NMT2: variants seen among roughly 807,000 people sequenced by gnomAD.
NMT2 encodes the protein glycylpeptide N-tetradecanoyltransferase 2.
In NMT2, 35 loss-of-function variants were observed where a neutral mutation model predicts 65.4. The observed-to-expected ratio is 0.54, with a 90% CI of 0.41 to 0.71. The LOEUF (loss-of-function observed/expected upper bound fraction) is 0.71, where lower values mean the gene tolerates loss of function less well. NMT2 is among the 30% of genes least tolerant of loss of function. The pLI, the probability that NMT2 is intolerant of heterozygous loss-of-function variation, is 0.00. For synonymous variants in NMT2, 226 were observed against 231.8 expected, an observed-to-expected ratio of 0.98 and a Z score of 0.23; for missense variants, 489 against 611.3, an observed-to-expected ratio of 0.80 and a Z score of 2.11.
intron 8 of NMT2, among the ~76,000 whole-genome samples, chr10:15,127,404 G>A (rs1447412244): frequency 8.7e-5 from 13 of 149,914 alleles, no homozygotes; most frequent in Non-Finnish European, 1.8e-4. Context: ...AAAATTAGCC[G>A]GGCATGCTGG....
At chr10:15,145,627 G>A (rs561099533) in intron 1 of NMT2, among the ~76,000 whole-genome samples, 3 of 152,154 alleles carry the variant, frequency 2.0e-5, no homozygotes, top group Non-Finnish European at 4.4e-5. Context: ...TGATCCACCC[G>A]CCTCAGCCTC....
chr10:15,156,598 CA>C (rs1344236066), intron 1 of NMT2, among the ~76,000 whole-genome samples: 2 of 152,134 alleles, frequency 1.3e-5, no homozygotes, highest in Non-Finnish European at 2.9e-5. Context: ...GAATGTTCTA[CA>C]TTAAAAATGT....
chr10:15,156,500 C>T (rs1422964826), intron 1 of NMT2, among the ~76,000 whole-genome samples: 1 of 152,082 alleles, frequency 6.6e-6, no homozygotes, highest in Non-Finnish European at 1.5e-5. Flanking sequence ...CGGAGGCTAC[C>T]ATATTTGCAT....
intron 9 of NMT2, among the ~76,000 whole-genome samples, chr10:15,117,134 A>C (rs1057059935): frequency 2.1e-4 from 32 of 152,218 alleles, no homozygotes; most frequent in African/African-American, 6.5e-4. Context: ...TCTCTCATGA[A>C]CTCAACAAAT....
rs80325302 is a variant in NMT2 at position 15,157,739 on chromosome 10, T to C, written c.110+10764A>G. Among the ~76,000 whole-genome samples the C allele has an allele frequency of 6.2e-3, 943 of 152,350 alleles. 9 individuals are homozygous for C. Among genetic ancestry groups the C allele is most frequent in the African/African-American group, 0.022 (906 of 41,584 alleles). ...AATATTCTTTAAGCAAAGAAATGTA[T>C]GATTTTAAAAAAATTAATTCATTGA... On this transcript the variant is annotated intron_variant, in intron 1 of 11. Coordinates refer to ENST00000378165, the MANE Select transcript of NMT2 (RefSeq NM_004808.3).
intron 1 of NMT2, among the ~76,000 whole-genome samples, chr10:15,165,255 T>C (rs1242525709): frequency 6.6e-6 from 1 of 152,206 alleles, no homozygotes; most frequent in Non-Finnish European, 1.5e-5. Context: ...GGACTATTTC[T>C]AATAATTCAT....
At chr10:15,138,004 CTTTTTTT>C (rs374744946) in intron 2 of NMT2, among the ~76,000 whole-genome samples, 1 of 128,140 alleles carries the variant, frequency 7.8e-6, no homozygotes, top group Non-Finnish European at 1.6e-5. Context: ...TCTTCTTCTT[CTTTTTTT>C]TTTTTTTTTT....
chr10:15,136,113 C>T (rs374553235), intron 2 of NMT2, among the ~76,000 whole-genome samples: 4 of 151,562 alleles, frequency 2.6e-5, no homozygotes, highest in East Asian at 2.0e-4. Flanking sequence ...CCCAGCTACT[C>T]GGGAGGCTGA....
chr10:15,130,337 TAAGAGTC>T, intron 6 of NMT2, 25 bp from the exon 7 acceptor site: 1 of 1,495,566 alleles, frequency 6.7e-7, no homozygotes, highest in Non-Finnish European at 9.0e-7. Context: ...TGGTGAAGAT[TAAGAGTC>T]AAAACGAGAT....
Position 15,107,479 on chromosome 10 carries a change from G to A in NMT2, c.*1716C>T. The A allele has an allele frequency of 1.0e-6, 1 of 979,608 alleles. No homozygotes were observed. Among genetic ancestry groups the A allele is most frequent in the Non-Finnish European group, 1.2e-6 (1 of 824,572 alleles). The allele number at this position is 979,608 out of a possible 1,614,324, so 60.7% of individuals were successfully genotyped here. A position where few individuals can be genotyped will look rare whatever the true frequency, so the allele number is the denominator to read the frequency against. Reference sequence around the variant, plus strand: ...ATCTACTTTTGTTTTTTGAGACGGAGTCTTGCACTGTCACCCAGGCTGGAG... The same window carrying A: ...ATCTACTTTTGTTTTTTGAGACGGAATCTTGCACTGTCACCCAGGCTGGAG... On this transcript the variant is annotated 3_prime_UTR_variant, in exon 12 of 12. Coordinates refer to ENST00000378165, the MANE Select transcript of NMT2 (RefSeq NM_004808.3).
Position 15,161,081 on chromosome 10 carries a change from C to CAAAAAAAAAAAAAAAAAA in NMT2, c.110+7404_110+7421dup, listed in dbSNP as rs750859200. ...CAGAGCGAGACTCTGCCTCAAAAATCAAAAAAAAAAAAAAAAAAAAAAAAA... is the reference window on the plus strand; with the variant it reads ...CAGAGCGAGACTCTGCCTCAAAAATCAAAAAAAAAAAAAAAAAAAAAAAAAAAAAAAAAAAAAAAAAAA... On this transcript the variant is annotated intron_variant, in intron 1 of 11. Coordinates refer to ENST00000378165, the MANE Select transcript of NMT2 (RefSeq NM_004808.3). 1.6e-3 allele frequency among the ~76,000 whole-genome samples: 30 copies of CAAAAAAAAAAAAAAAAAA among 19,282 alleles called. 1 individual carries two copies. The highest frequency in any genetic ancestry group is 1.8e-3 in the Non-Finnish European group (20 of 11,154). 12.6% of individuals were successfully genotyped at this position (19,282 alleles called of 152,430 possible). A position where few individuals can be genotyped will look rare whatever the true frequency, so the allele number is the denominator to read the frequency against.
chr10:15,138,847 G>C (rs556225816), intron 2 of NMT2, among the ~76,000 whole-genome samples: 1 of 152,152 alleles, frequency 6.6e-6, no homozygotes, highest in Admixed American at 6.5e-5. Context: ...TCCAAATTAA[G>C]AAAAGAAATT....
In NMT2 at chr10:15,107,548, G is replaced by T; in HGVS notation, c.*1647C>A. On this transcript the variant is annotated 3_prime_UTR_variant, in exon 12 of 12. Coordinates refer to ENST00000378165, the MANE Select transcript of NMT2 (RefSeq NM_004808.3). ...GCTCACTGCAACTTCCGCCTCCTGGGTTCAAGTGATTCTCCTGCCTCAGCC... is the reference window on the plus strand; with the variant it reads ...GCTCACTGCAACTTCCGCCTCCTGGTTTCAAGTGATTCTCCTGCCTCAGCC... The T allele has an allele frequency of 1.9e-5, 12 of 648,072 alleles. No individual in the cohort carries two copies. Among genetic ancestry groups the T allele is most frequent in the Non-Finnish European group, 2.3e-5 (12 of 522,092 alleles). The allele number at this position is 648,072 out of a possible 1,614,324, so 40.1% of individuals were successfully genotyped here. A position where few individuals can be genotyped will look rare whatever the true frequency, so the allele number is the denominator to read the frequency against.
intron 2 of NMT2, among the ~76,000 whole-genome samples, chr10:15,136,904 G>A (rs1015083720): frequency 3.3e-5 from 5 of 151,446 alleles, no homozygotes; most frequent in East Asian, 1.9e-4. Context: ...AGAAGACAGC[G>A]CAGAGGACTG....
intron 2 of NMT2, chr10:15,138,300 C>G: frequency 2.1e-6 from 1 of 466,764 alleles, no homozygotes; most frequent in Non-Finnish European, 4.4e-6. Flanking sequence ...CATGAACAAC[C>G]ACATACGGCT....
intron 9 of NMT2, among the ~76,000 whole-genome samples, chr10:15,116,635 C>T (rs187995575): frequency 6.6e-6 from 1 of 152,086 alleles, no homozygotes; most frequent in Non-Finnish European, 1.5e-5. Flanking sequence ...AAGTCTGGTT[C>T]TCTGGGAAAC....
At position 15,112,816 on chromosome 10, in the gene NMT2, C is replaced by T. The variant is rs1447443132; in HGVS notation, c.1318G>A (p.Ala440Thr). 7.4e-6 allele frequency: 12 copies of T among 1,613,066 alleles called. No homozygotes were observed. The highest frequency in any genetic ancestry group is 1.1e-5 in the South Asian group (1 of 90,956). ...CTTACCGATTTAGCCAGGATGAGCG[C>T]GTCGCTCATGAGGTCCAGCAGGGGC... ...ETPLLDLMSD[A>T]LILAKSKGFD... Residue 440 changes from alanine (A) to threonine (T), a missense_variant, in exon 10 of 12, where the codon GCG becomes ACG. Ala to Thr is a moderately conservative substitution (Grantham distance 58). Coordinates refer to ENST00000378165, the MANE Select transcript of NMT2 (RefSeq NM_004808.3).
chr10:15,109,408 C>G (rs995505754), intron 11 of NMT2, among the ~76,000 whole-genome samples, 193 bp from the exon 12 acceptor site: 9 of 152,102 alleles, frequency 5.9e-5, no homozygotes, highest in Non-Finnish European at 1.3e-4. Flanking sequence ...AACCCCATCT[C>G]TACTAAAAAT....
chr10:15,113,966 G>A (rs762339497), intron 9 of NMT2, among the ~76,000 whole-genome samples: 1 of 152,132 alleles, frequency 6.6e-6, no homozygotes, highest in African/African-American at 2.4e-5. Flanking sequence ...TGAATCGTGC[G>A]GCTGAAGAGG....
Sources: gnomAD v4.1 joint callset for allele counts (sites outside exome capture counted in the v4.1 genomes callset) on GRCh38, gnomAD v4.1.1 for gene constraint, MANE v1.5 for transcripts, NCBI Gene and HGNC (gene_info 2026-07-23, HGNC 2026-07-21) for gene names.